Variants in BTBD2 observed in about 807,000 individuals in gnomAD.
The protein encoded by BTBD2 is BTB domain containing 2.
A neutral mutation model predicts 44.0 loss-of-function variants in BTBD2; 15 were observed. The ratio of observed to expected loss-of-function variants is 0.34; its 90% CI spans 0.23 to 0.53. BTBD2 has a LOEUF of 0.53. Ranked by LOEUF, BTBD2 falls within the 20% of genes least tolerant of loss-of-function variation. BTBD2 has a pLI of 0.95. For missense variants in BTBD2, 657 were observed against 746.4 expected, an observed-to-expected ratio of 0.88 and a Z score of 1.39; for synonymous variants, 443 against 335.9, an observed-to-expected ratio of 1.32 and a Z score of -3.49.
chr19:2,001,500 A>C (rs1448866204), intron 1 of BTBD2, among the ~76,000 whole-genome samples: 5 of 152,202 alleles, frequency 3.3e-5, no homozygotes, highest in Admixed American at 6.5e-5. Flanking sequence ...CTCAAAAAGA[A>C]AAGAAAACAG....
Position 1,986,811 on chromosome 19 carries a change from CCT to C in BTBD2, c.1416+17_1416+18del, listed in dbSNP as rs746645686. 48 of 1,594,040 alleles carry C rather than the reference CCT, an allele frequency of 3.0e-5. No individual in the cohort carries two copies. The highest frequency in any genetic ancestry group is 2.8e-4 in the African/African-American group (21 of 74,858). On this transcript the variant is annotated intron_variant, in intron 8 of 8. Transcript: ENST00000255608. ...GGCCAGAGACTCCCACGGAGGGACC[CCT>C]GTCCCCGGCGGCGCACCTTGAGCGT... is the stretch of plus-strand genomic sequence containing the variant.
chr19:2,005,777 G>A lies in BTBD2; in HGVS notation c.408-8314C>T, dbSNP rs945220237. ...AGCCTGGGAACAAGAGCAAAACTCC[G>A]TCTCAAAAAAAAAAAAAAAAATTAT... On this transcript the variant is annotated intron_variant, in intron 1 of 8. Transcript: ENST00000255608. Among the ~76,000 whole-genome samples the A allele has an allele frequency of 1.9e-4, 22 of 113,554 alleles. No individual in the cohort carries two copies. In the South Asian group the frequency reaches 4.5e-3, roughly 23 times the overall value. The allele number at this position is 113,554 out of a possible 152,430, so 74.5% of individuals were successfully genotyped here. A position where few individuals can be genotyped will look rare whatever the true frequency, so the allele number is the denominator to read the frequency against.
Position 1,987,136 on chromosome 19 carries a change from G to A in BTBD2, c.1269+30C>T, listed in dbSNP as rs1555685611. The A allele has an allele frequency of 9.9e-6, 16 of 1,608,706 alleles. No individual in the cohort carries two copies. The South Asian group carries it at 1.8e-4, about 18-fold the overall frequency. Reference sequence around the variant, plus strand: ...TGGAGAGAGGACATGGGCCTGAGTGGGGCCTGGGGATGAGGCTTGGGGCTG... The same window carrying A: ...TGGAGAGAGGACATGGGCCTGAGTGAGGCCTGGGGATGAGGCTTGGGGCTG... On this transcript the variant is annotated intron_variant, in intron 7 of 8. Transcript: ENST00000255608.
intron 1 of BTBD2, among the ~76,000 whole-genome samples, chr19:2,012,197 G>C (rs887613589): frequency 2.1e-5 from 3 of 145,806 alleles, no homozygotes; most frequent in Non-Finnish European, 4.4e-5. Context: ...GTGTCGCCTG[G>C]GCTGGAGTGC....
chr19:1,995,276 A>ATTTTTTTTTTTTTTTTTTTTTT (rs199549335), intron 2 of BTBD2, among the ~76,000 whole-genome samples: 1 of 99,030 alleles, frequency 1.0e-5, no homozygotes, highest in African/African-American at 4.6e-5. Flanking sequence ...CATACTTTGG[A>ATTTTTTTTTTTTTTTTTTTTTT]TTCTTTTTTT....
Position 1,987,168 on chromosome 19 carries a change from G to A in BTBD2, c.1267C>T (p.Gln423Ter). 6.2e-7 allele frequency: 1 copy of A among 1,613,542 alleles called. No homozygotes were observed. The highest frequency in any genetic ancestry group is 8.5e-7 in the Non-Finnish European group (1 of 1,179,588). Reference protein sequence around the residue: ...HGPTDYQVNIQIIHTDSNTVL... With the variant: ...HGPTDYQVNI ...GGGATGAGGCTTGGGGCTGGTACCT[G>A]GATGTTCACTTGGTAGTCGGTGGGC... is the stretch of plus-strand genomic sequence containing the variant. The change falls in exon 7 of 9, where the codon CAG (glutamine) becomes TAG (stop). Residue 423 changes from glutamine (Q) to a stop codon, truncating the protein, a stop_gained and splice_region_variant. Transcript: ENST00000255608. LOFTEE classifies it high-confidence loss of function.
intron 1 of BTBD2, among the ~76,000 whole-genome samples, chr19:2,013,049 C>A (rs970978899): frequency 2.6e-5 from 4 of 152,130 alleles, no homozygotes; most frequent in Admixed American, 1.3e-4. Context: ...ACAGGGACGG[C>A]GACACGGACG....
intron 1 of BTBD2, among the ~76,000 whole-genome samples, chr19:2,005,934 A>G (rs2016388929): frequency 6.6e-6 from 1 of 151,978 alleles, no homozygotes; most frequent in Non-Finnish European, 1.5e-5. Context: ...CTAAACAGAA[A>G]AAAATCAGCC....
intron 3 of BTBD2, chr19:1,991,277 G>A (rs961892585): frequency 1.8e-5 from 3 of 164,878 alleles, no homozygotes; most frequent in Non-Finnish European, 4.0e-5. Context: ...TCCATCCCAA[G>A]ACAAACAGCA....
In BTBD2 at chr19:1,987,489, C is replaced by G. The variant is rs2016107066; in HGVS notation, c.1181+11G>C. ...ATGTCCGGACCCCCCCGCCTGCACC[C>G]CAAGCCCCACCTGATGCGGTCACTG... On this transcript the variant is annotated intron_variant, in intron 6 of 8. Transcript: ENST00000255608. The G allele has an allele frequency of 6.4e-7, 1 of 1,553,018 alleles. No individual in the cohort carries two copies. The highest frequency in any genetic ancestry group is 8.7e-7 in the Non-Finnish European group (1 of 1,151,342).
At position 1,988,419 on chromosome 19, in the gene BTBD2, CTCA is replaced by C. The variant is rs2016123814; in HGVS notation, c.989-730_989-728del. 13 of 152,488 alleles carry C rather than the reference CTCA, an allele frequency of 8.5e-5. No homozygotes were observed. The South Asian group carries it at 2.7e-3, about 31-fold the overall frequency. 9.4% of individuals were successfully genotyped at this position (152,488 alleles called of 1,614,324 possible). A position where few individuals can be genotyped will look rare whatever the true frequency, so the allele number is the denominator to read the frequency against. Reference sequence around the variant, plus strand: ...GCCCTGCCTGCCTGAGACCTAATCACTCATCAACCAAGGTGGGCTCAACTCCGC... The same window carrying C: ...GCCCTGCCTGCCTGAGACCTAATCACTCAACCAAGGTGGGCTCAACTCCGC... On this transcript the variant is annotated intron_variant, in intron 5 of 8. Coordinates refer to ENST00000255608, the MANE Select transcript of BTBD2 (RefSeq NM_017797.4).
At position 1,997,436 on chromosome 19, in the gene BTBD2, G is replaced by A; in HGVS notation, c.435C>T (p.Val145=). 1.2e-6 allele frequency: 2 copies of A among 1,614,170 alleles called. No individual in the cohort carries two copies. Among genetic ancestry groups the A allele is most frequent in the South Asian group, 2.2e-5 (2 of 91,088 alleles). The change falls in exon 2 of 9, where the codon GTC becomes GTT. Residue 145 remains valine, a synonymous_variant. Transcript: ENST00000255608. ...TTCCCCCGTTGAACATGGCATCAAA[G>A]ACGGCGCTGCCCACGGCCAGCACGA... is the stretch of plus-strand genomic sequence containing the variant. ...HRFVLAVGSA[V]FDAMFNGGMA... is the part of the protein sequence containing the mutation.
chr19:2,015,264 CG>C (rs1437976773), intron 1 of BTBD2, 32 bp downstream of exon 1: 4 of 1,405,498 alleles, frequency 2.8e-6, no homozygotes, highest in East Asian at 3.2e-5. Context: ...CTGGGTGGGT[CG>C]GGGCCAGGGC....
At position 1,986,279 on chromosome 19, in the gene BTBD2, C is replaced by T; in HGVS notation, c.*209G>A. On this transcript the variant is annotated 3_prime_UTR_variant, in exon 9 of 9. Coordinates refer to ENST00000255608, the MANE Select transcript of BTBD2 (RefSeq NM_017797.4). ...CACAGGGCCTGGCCACTGGCCTGGC[C>T]ACCTCCCCGGCTGCCCTGATCCAGC... 6.4e-6 allele frequency: 4 copies of T among 620,440 alleles called. 1 individual carries two copies. The South Asian group carries it at 7.8e-5, about 12-fold the overall frequency. 38.4% of individuals were successfully genotyped at this position (620,440 alleles called of 1,614,324 possible).
At chr19:2,015,154 G>C in intron 1 of BTBD2, 143 bp downstream of exon 1, 1 of 1,291,120 alleles carries the variant, frequency 7.7e-7, no homozygotes, top group Non-Finnish European at 1.0e-6. Flanking sequence ...GGGTGCAGGG[G>C]TCCCGGGGAC....
At chr19:1,988,974 G>T (rs552167055) in intron 5 of BTBD2, among the ~76,000 whole-genome samples, 1 of 151,966 alleles carries the variant, frequency 6.6e-6, no homozygotes, top group African/African-American at 2.4e-5. Context: ...GTGCAGTGGC[G>T]CGATCTCGGC....
At chr19:2,000,675 CATGT>C (rs1328808134) in intron 1 of BTBD2, among the ~76,000 whole-genome samples, 1 of 152,192 alleles carries the variant, frequency 6.6e-6, no homozygotes, top group Non-Finnish European at 1.5e-5. Flanking sequence ...TTCCCCCCTT[CATGT>C]ATCTGTAACC....
At position 2,015,340 on chromosome 19, in the gene BTBD2, G is replaced by A. The variant is rs1280576838; in HGVS notation, c.364C>T (p.Leu122=). Reference sequence around the variant, plus strand: ...TGCGAGCTGAGCCCCTTGCCCACCAGGAAGTGCACGTCGCACAGCACCTCG... The same window carrying A: ...TGCGAGCTGAGCCCCTTGCCCACCAAGAAGTGCACGTCGCACAGCACCTCG... ...NNEVLCDVHF[L]VGKGLSSQRI... The change falls in exon 1 of 9, where the codon CTG becomes TTG. Residue 122 remains leucine, a synonymous_variant. Coordinates refer to ENST00000255608, the MANE Select transcript of BTBD2 (RefSeq NM_017797.4). 2 of 1,583,304 alleles carry A rather than the reference G, an allele frequency of 1.3e-6. No individual in the cohort carries two copies. Among genetic ancestry groups the A allele is most frequent in the Admixed American group, 1.7e-5 (1 of 58,630 alleles).
At position 2,015,683 on chromosome 19, in the gene BTBD2, G is replaced by T. The variant is rs918039743; in HGVS notation, c.21C>A (p.Gly7=). The T allele has an allele frequency of 2.0e-6, 2 of 985,346 alleles. No individual in the cohort carries two copies. Among genetic ancestry groups the T allele is most frequent in the African/African-American group, 2.0e-5 (1 of 49,758 alleles). 61.0% of individuals were successfully genotyped at this position (985,346 alleles called of 1,614,324 possible). MAAGGS[G]GRASCPPGVG... is the part of the protein sequence containing the mutation. ...CCCCCGGCGGGCACGACGCACGCCCGCCGCTCCCACCCGCCGCCATTTTGT... is the reference window on the plus strand; with the variant it reads ...CCCCCGGCGGGCACGACGCACGCCCTCCGCTCCCACCCGCCGCCATTTTGT... Residue 7 remains glycine (G), a synonymous_variant, in exon 1 of 9, where the codon GGC becomes GGA. Coordinates refer to ENST00000255608, the MANE Select transcript of BTBD2 (RefSeq NM_017797.4).
Sources: allele counts gnomAD v4.1 joint callset (sites outside exome capture counted in the v4.1 genomes callset), GRCh38; gene constraint gnomAD v4.1.1; transcripts MANE v1.5; gene names NCBI Gene and HGNC (gene_info 2026-07-23, HGNC 2026-07-21).